The following STIM1 variants were observed in gnomAD, a reference collection of about 807,000 sequenced individuals.
STIM1 encodes the protein stromal interaction molecule 1.
Under a neutral mutation model 74.7 loss-of-function variants are expected in STIM1, and 25 were observed. That is an observed-to-expected ratio of 0.33 (90% CI 0.24 to 0.47). The LOEUF (loss-of-function observed/expected upper bound fraction) is 0.47, where lower values mean the gene tolerates loss of function less well. Ranked by LOEUF, STIM1 falls within the 20% of genes least tolerant of loss-of-function variation. The probability of loss-of-function intolerance (pLI) is 1.00; values close to 1 mark genes in which losing one functional copy is unlikely to be tolerated. For synonymous variants in STIM1, 328 were observed against 348.8 expected, an observed-to-expected ratio of 0.94 and a Z score of 0.66; for missense variants, 728 against 920.8, an observed-to-expected ratio of 0.79 and a Z score of 2.71.
At chr11:4,083,188 C>T in intron 9 of STIM1, 75 bp from the exon 10 acceptor site, 3 of 1,480,864 alleles carry the variant, frequency 2.0e-6, no homozygotes, top group Non-Finnish European at 2.8e-6. Context: ...AAACTTGTTC[C>T]TCTGAGAAGA....
intron 3 of STIM1, among the ~76,000 whole-genome samples, chr11:4,048,867 G>A (rs908604882): frequency 9.2e-5 from 14 of 152,012 alleles, no homozygotes; most frequent in African/African-American, 3.4e-4. Flanking sequence ...CTGAGTAGCT[G>A]AGATTATAGG....
chr11:3,991,051 C>T (rs1041244744), intron 2 of STIM1, among the ~76,000 whole-genome samples: 6 of 152,070 alleles, frequency 3.9e-5, no homozygotes, highest in African/African-American at 1.4e-4. Flanking sequence ...CAAGTGAGAA[C>T]ATGCAATATC....
At chr11:4,034,840 A>G (rs1187741102) in intron 3 of STIM1, among the ~76,000 whole-genome samples, 1 of 152,094 alleles carries the variant, frequency 6.6e-6, no homozygotes, top group Non-Finnish European at 1.5e-5. Flanking sequence ...GAGCTTAGGT[A>G]CTTTGTGTCT....
At chr11:4,002,839 A>G (rs2093733445) in intron 2 of STIM1, among the ~76,000 whole-genome samples, 1 of 146,256 alleles carries the variant, frequency 6.8e-6, no homozygotes, top group Admixed American at 6.9e-5. Context: ...ATAGACCGCT[A>G]GCAAGACTAA....
chr11:3,905,373 T>TC, intron 1 of STIM1, among the ~76,000 whole-genome samples: 1 of 151,844 alleles, frequency 6.6e-6, no homozygotes, highest in East Asian at 1.9e-4. Flanking sequence ...TCAAAGATTT[T>TC]TTTTTTTTTT....
intron 3 of STIM1, among the ~76,000 whole-genome samples, chr11:4,040,050 TA>T (rs2094136494): frequency 7.2e-6 from 1 of 137,976 alleles, no homozygotes; most frequent in Non-Finnish European, 1.7e-5. Flanking sequence ...ATTACAGGTG[TA>T]AGCCACCGTG....
rs558824460 is a variant in STIM1 at position 3,953,369 on chromosome 11, T to C, written c.140-14183T>C. Among the ~76,000 whole-genome samples, 82 of 152,304 alleles carry C rather than the reference T, an allele frequency of 5.4e-4. 1 individual carries two copies. The highest frequency in any genetic ancestry group is 1.9e-3 in the African/African-American group (77 of 41,554). ...GTTCAAGCCCAGATGGAGTTTCTTG[T>C]ATTTGTCATTAATAGACAAAAAACC... On this transcript the variant is annotated intron_variant, in intron 1 of 12. Transcript: ENST00000526596.
chr11:3,894,006 C>T (rs562331706), intron 1 of STIM1, among the ~76,000 whole-genome samples: 3 of 152,068 alleles, frequency 2.0e-5, no homozygotes, highest in Non-Finnish European at 2.9e-5. Flanking sequence ...TCTTGAACTC[C>T]GGAGCTCAAG....
intron 2 of STIM1, among the ~76,000 whole-genome samples, chr11:3,976,607 G>A (rs913210457): frequency 2.6e-5 from 4 of 152,096 alleles, no homozygotes; most frequent in South Asian, 4.2e-4. Context: ...GTGAATACTC[G>A]CTACTTTCCC....
intron 1 of STIM1, among the ~76,000 whole-genome samples, chr11:3,858,240 TTTTTTTGTTTTTTG>T (rs948512507): frequency 3.8e-5 from 5 of 131,408 alleles, no homozygotes; most frequent in East Asian, 4.5e-4. Flanking sequence ...AAGGTTTTTT[TTTTTTTGTTTTTTG>T]TTTTTCGCCT....
intron 3 of STIM1, among the ~76,000 whole-genome samples, chr11:4,028,770 A>G (rs558834727): frequency 2.0e-5 from 3 of 152,274 alleles, no homozygotes; most frequent in African/African-American, 7.2e-5. Context: ...TGTACCTATC[A>G]ATCTTTGATT....
chr11:3,960,080 A>G (rs1380337129), intron 1 of STIM1, among the ~76,000 whole-genome samples: 1 of 152,210 alleles, frequency 6.6e-6, no homozygotes, highest in Non-Finnish European at 1.5e-5. Context: ...TGCATAAAGC[A>G]TTTCTGCTGC....
At chr11:4,058,403 A>G (rs1033520440) in intron 4 of STIM1, among the ~76,000 whole-genome samples, 1 of 152,238 alleles carries the variant, frequency 6.6e-6, no homozygotes, top group African/African-American at 2.4e-5. Context: ...AGACAGGAGT[A>G]TAAATCACAC....
At chr11:4,056,187 A>G (rs1020726158) in intron 4 of STIM1, among the ~76,000 whole-genome samples, 10 of 152,164 alleles carry the variant, frequency 6.6e-5, no homozygotes, top group African/African-American at 2.2e-4. Flanking sequence ...CTTATTTATA[A>G]TAAAAATGGT....
chr11:3,909,573 C>T (rs560079455), intron 1 of STIM1, among the ~76,000 whole-genome samples: 1 of 152,142 alleles, frequency 6.6e-6, no homozygotes, highest in East Asian at 1.9e-4. Context: ...GCCTGTAATC[C>T]CAGCACTTTG....
intron 5 of STIM1, among the ~76,000 whole-genome samples, chr11:4,062,811 G>A (rs1330166871): frequency 6.6e-6 from 1 of 152,140 alleles, no homozygotes; most frequent in Non-Finnish European, 1.5e-5. Flanking sequence ...ACAAGTGTTG[G>A]TGAGGATGTG....
At chr11:3,868,637 A>G (rs894925075) in intron 1 of STIM1, among the ~76,000 whole-genome samples, 4 of 152,224 alleles carry the variant, frequency 2.6e-5, no homozygotes. Context: ...CTGGGAAACT[A>G]GGATTAGAGG....
chr11:3,900,893 A>G (rs1034993911), intron 1 of STIM1, among the ~76,000 whole-genome samples: 1 of 152,142 alleles, frequency 6.6e-6, no homozygotes, highest in Non-Finnish European at 1.5e-5. Flanking sequence ...TTGTTTTAAG[A>G]TATAATGAGT....
Position 3,871,018 on chromosome 11 carries a change from G to A in STIM1, c.139+14609G>A, listed in dbSNP as rs561191132. Among the ~76,000 whole-genome samples, 9 of 151,800 alleles carry A rather than the reference G, an allele frequency of 5.9e-5. No individual in the cohort carries two copies. The South Asian group carries it at 1.0e-3, about 18-fold the overall frequency. On this transcript the variant is annotated intron_variant, in intron 1 of 12. Transcript: ENST00000526596. ...CTCCCAAGTAGCTGGGATTACAGGC[G>A]CCTGCCACCACTCCCAACTAATTTT...
Sources: allele counts gnomAD v4.1 joint callset (sites outside exome capture counted in the v4.1 genomes callset), GRCh38; gene constraint gnomAD v4.1.1; transcripts MANE v1.5; gene names NCBI Gene and HGNC (gene_info 2026-07-23, HGNC 2026-07-21).